Variants in TTC7B observed in about 807,000 individuals in gnomAD.
The protein encoded by TTC7B is tetratricopeptide repeat protein 7B.
In TTC7B, 28 loss-of-function variants were observed where a neutral mutation model predicts 106.8. The observed-to-expected ratio is 0.26, with a 90% confidence interval of 0.19 to 0.36. TTC7B has a LOEUF of 0.36. Among genes scored for constraint, TTC7B ranks in the 10% least tolerant of loss-of-function variants. The pLI is 1.00. For synonymous variants in TTC7B, 405 were observed against 430.6 expected (o/e 0.94, Z 0.74); for missense variants, 862 against 1,076.4 (o/e 0.80, Z 2.79).
At chr14:90,568,232 A>G (rs953883258) in intron 19 of TTC7B, among the ~76,000 whole-genome samples, 1 of 152,178 alleles carries the variant, frequency 6.6e-6, no homozygotes, top group Non-Finnish European at 1.5e-5. Flanking sequence ...AGGAGCGGGA[A>G]TCGGGACCAG....
chr14:90,594,428 G>A (rs1161376147), intron 17 of TTC7B, among the ~76,000 whole-genome samples: 4 of 152,206 alleles, frequency 2.6e-5, no homozygotes, highest in East Asian at 1.9e-4. Flanking sequence ...TTGACCTCTC[G>A]GAGGATCGGA....
chr14:90,582,211 T>C (rs1891523724), intron 18 of TTC7B, among the ~76,000 whole-genome samples: 1 of 152,358 alleles, frequency 6.6e-6, no homozygotes, highest in African/African-American at 2.4e-5. Flanking sequence ...CCCTCTTGTT[T>C]GCCCCCCTCT....
In TTC7B at chr14:90,680,514, A is replaced by G; in HGVS notation, c.972T>C (p.Asn324=). ...GCAATAACAACAGGGCTTCTTCCGTATTTTCTTGAGGACAAAAAATGCTGC... is the reference window on the plus strand; with the variant it reads ...GCAATAACAACAGGGCTTCTTCCGTGTTTTCTTGAGGACAAAAAATGCTGC... ...SGENIFCPQE[N]TEEALLLLLI... is the part of the protein sequence containing the mutation. The change falls in exon 8 of 20, where the codon AAT becomes AAC. Residue 324 remains asparagine, a synonymous_variant. Coordinates refer to ENST00000328459, the MANE Select transcript of TTC7B (RefSeq NM_001010854.2). 1.2e-6 allele frequency: 2 copies of G among 1,613,926 alleles called. No homozygotes were observed. Among genetic ancestry groups the G allele is most frequent in the Non-Finnish European group, 1.7e-6 (2 of 1,179,902 alleles).
intron 17 of TTC7B, among the ~76,000 whole-genome samples, chr14:90,597,513 C>T (rs529814144): frequency 1.2e-4 from 18 of 152,088 alleles, no homozygotes; most frequent in South Asian, 2.1e-4. Context: ...CAAAAAGTAG[C>T]GGGGCATGGT....
intron 8 of TTC7B, among the ~76,000 whole-genome samples, chr14:90,679,787 C>G (rs553760933): frequency 1.4e-4 from 22 of 152,338 alleles, no homozygotes; most frequent in African/African-American, 5.1e-4. Flanking sequence ...GATAGATACA[C>G]AGGGCAGAAA....
intron 3 of TTC7B, among the ~76,000 whole-genome samples, chr14:90,749,645 T>A (rs1346868423): frequency 1.3e-5 from 2 of 152,138 alleles, no homozygotes; most frequent in Non-Finnish European, 2.9e-5. Context: ...CCTCAGGCAA[T>A]CCACCTGCCT....
chr14:90,722,414 AC>A (rs1443414021), intron 5 of TTC7B, among the ~76,000 whole-genome samples: 2 of 152,112 alleles, frequency 1.3e-5, no homozygotes, highest in East Asian at 3.9e-4. Flanking sequence ...CAAATGAACT[AC>A]CCTGTTCTTG....
chr14:90,677,907 C>A (rs771846808), intron 8 of TTC7B: 1 of 433,256 alleles, frequency 2.3e-6, no homozygotes, highest in Non-Finnish European at 4.6e-6. Flanking sequence ...TCATCTCTTA[C>A]GGAAACAAGC....
intron 12 of TTC7B, 88 bp from the exon 13 acceptor site, chr14:90,652,986 C>T (rs1742009932): frequency 8.7e-6 from 12 of 1,386,618 alleles, no homozygotes; most frequent in Admixed American, 6.7e-5. Flanking sequence ...GTACATTCAA[C>T]TGGATTAAAA....
At chr14:90,727,720 A>G (rs1365874510) in intron 5 of TTC7B, among the ~76,000 whole-genome samples, 1 of 152,258 alleles carries the variant, frequency 6.6e-6, no homozygotes. Flanking sequence ...ATTTCTAAAG[A>G]AAAACATTGT....
At chr14:90,788,494 C>T (rs1033620977) in intron 1 of TTC7B, among the ~76,000 whole-genome samples, 2 of 152,072 alleles carry the variant, frequency 1.3e-5, no homozygotes, top group African/African-American at 2.4e-5. Flanking sequence ...GTTGCAAAAA[C>T]AATCATATAT....
At chr14:90,645,981 A>C (rs879889056) in intron 14 of TTC7B, among the ~76,000 whole-genome samples, 2 of 152,172 alleles carry the variant, frequency 1.3e-5, no homozygotes, top group Non-Finnish European at 2.9e-5. Context: ...AGGCGAGAGA[A>C]GCTGTCAGCG....
intron 13 of TTC7B, among the ~76,000 whole-genome samples, chr14:90,648,148 G>A (rs1885549719): frequency 6.6e-6 from 1 of 152,082 alleles, no homozygotes; most frequent in African/African-American, 2.4e-5. Context: ...TTATGCAAAT[G>A]TAATAGCTCA....
intron 5 of TTC7B, among the ~76,000 whole-genome samples, chr14:90,704,498 C>A (rs114343619): frequency 6.6e-6 from 1 of 152,316 alleles, no homozygotes; most frequent in African/African-American, 2.4e-5. Context: ...GAAGATGATC[C>A]CTGTCGTGCA....
At chr14:90,546,117 G>A (rs142271891) in intron 19 of TTC7B, among the ~76,000 whole-genome samples, 26 of 152,302 alleles carry the variant, frequency 1.7e-4, no homozygotes, top group African/African-American at 9.6e-5. Context: ...AGCCCATGAC[G>A]GGATCAACCA....
intron 1 of TTC7B, among the ~76,000 whole-genome samples, chr14:90,799,674 C>T (rs1439957966): frequency 2.6e-5 from 4 of 152,058 alleles, no homozygotes; most frequent in African/African-American, 9.7e-5. Context: ...AGCAGGAAAG[C>T]CCGTGTGGCT....
chr14:90,644,119 T>C lies in TTC7B; in HGVS notation c.1680A>G (p.Ser560=). Residue 560 remains serine (S), a synonymous_variant, in exon 15 of 20, where the codon TCA becomes TCG. Coordinates refer to ENST00000328459, the MANE Select transcript of TTC7B (RefSeq NM_001010854.2). ...GAGCGTCATGGTAATGCTTCTGTGC[T>C]GACAGCAGGAGGGCAAGGAGGTGCA... ...NSLHLLALLL[S]AQKHYHDALN... 6.2e-7 allele frequency: 1 copy of C among 1,614,118 alleles called. No homozygotes were observed. The highest frequency in any genetic ancestry group is 8.5e-7 in the Non-Finnish European group (1 of 1,180,024).
chr14:90,729,288 C>T (rs1374758736), intron 5 of TTC7B, among the ~76,000 whole-genome samples: 1 of 152,220 alleles, frequency 6.6e-6, no homozygotes, highest in Non-Finnish European at 1.5e-5. Flanking sequence ...GAGGGAGCAA[C>T]TCCATTGTTC....
At chr14:90,695,973 T>C (rs566834672) in intron 5 of TTC7B, among the ~76,000 whole-genome samples, 1 of 152,156 alleles carries the variant, frequency 6.6e-6, no homozygotes, top group East Asian at 1.9e-4. Flanking sequence ...AAGCACCGTG[T>C]GCAACATGGG....
Sources: allele counts gnomAD v4.1 joint callset (sites outside exome capture counted in the v4.1 genomes callset), GRCh38; gene constraint gnomAD v4.1.1; transcripts MANE v1.5; gene names NCBI Gene and HGNC (gene_info 2026-07-23, HGNC 2026-07-21).